RBFOX1: variants seen among roughly 807,000 people sequenced by gnomAD.
The protein encoded by RBFOX1 is RNA binding fox-1 homolog 1.
A neutral mutation model predicts 57.7 loss-of-function variants in RBFOX1; 8 were observed. The ratio of observed to expected loss-of-function variants is 0.14; its 90% confidence interval spans 0.08 to 0.25. RBFOX1 has a LOEUF of 0.25. Ranked by LOEUF, RBFOX1 falls within the 10% of genes least tolerant of loss-of-function variation. The pLI is 1.00. For synonymous variants in RBFOX1, 326 were observed against 222.4 expected (o/e 1.47, Z -4.15); for missense variants, 611 against 548.5 (o/e 1.11, Z -1.14).
chr16:6,861,353 G>GA (rs1283847020), intron 3 of RBFOX1, among the ~76,000 whole-genome samples: 1 of 152,084 alleles, frequency 6.6e-6, no homozygotes, highest in African/African-American at 2.4e-5. Context: ...TGAGTAAAGA[G>GA]ATGCAGTACC....
intron 3 of RBFOX1, among the ~76,000 whole-genome samples, chr16:5,623,241 CTGTT>C (rs1260604909): frequency 2.0e-5 from 3 of 152,120 alleles, no homozygotes; most frequent in Non-Finnish European, 1.5e-5. Flanking sequence ...TATGGGGTGA[CTGTT>C]TTCCGTTTCC....
rs1456561680 is a variant in RBFOX1, at chr16:7,383,938, C to T, written c.28-134209C>T. 4.0e-5 allele frequency among the ~76,000 whole-genome samples: 6 copies of T among 151,896 alleles called. No individual in the cohort carries two copies. The East Asian group carries it at 1.2e-3, about 30-fold the overall frequency. The stretch of plus-strand genomic sequence containing the variant: ...GCATGGTGGCATGTGCCTGTAGTCC[C>T]AGCTACTTGGGAGGCTGAGGCAGGA... On this transcript the variant is annotated intron_variant, in intron 4 of 15. Transcript: ENST00000550418.
chr16:6,292,231 G>A (rs1163994583), intron 1 of RBFOX1, among the ~76,000 whole-genome samples: 1 of 152,118 alleles, frequency 6.6e-6, no homozygotes, highest in Non-Finnish European at 1.5e-5. Flanking sequence ...CTGCACTCTA[G>A]CCTGGGTAAG....
chr16:5,681,795 G>A (rs1043995570), intron 3 of RBFOX1, among the ~76,000 whole-genome samples: 3 of 152,146 alleles, frequency 2.0e-5, no homozygotes, highest in Non-Finnish European at 4.4e-5. Context: ...AGGCCTTGAG[G>A]TGGATTAAGC....
intron 3 of RBFOX1, among the ~76,000 whole-genome samples, chr16:6,954,452 A>G (rs35819522): frequency 0.019 from 2,924 of 152,256 alleles, 44 homozygotes; most frequent in Middle Eastern, 0.048. Context: ...ATAAATTGTC[A>G]AGCAGGAACA....
intron 3 of RBFOX1, among the ~76,000 whole-genome samples, chr16:6,994,969 G>GTGTGTGTT (rs2092039256): frequency 6.6e-6 from 1 of 151,728 alleles, no homozygotes; most frequent in Non-Finnish European, 1.5e-5. Flanking sequence ...GTGTGTGTGT[G>GTGTGTGTT]TGTGTTGGTC....
chr16:5,528,654 C>A (rs2044341000), intron 2 of RBFOX1, among the ~76,000 whole-genome samples: 1 of 150,428 alleles, frequency 6.6e-6, no homozygotes, highest in Non-Finnish European at 1.5e-5. Context: ...CTTCCCCCCT[C>A]CCCTCCCCTC....
chr16:5,546,007 C>T (rs1174256166), intron 2 of RBFOX1, among the ~76,000 whole-genome samples: 1 of 151,704 alleles, frequency 6.6e-6, no homozygotes, highest in East Asian at 1.9e-4. Context: ...ATACAAAAAG[C>T]CATTGTATTT....
chr16:6,288,336 C>T (rs890338256), intron 1 of RBFOX1, among the ~76,000 whole-genome samples: 1 of 152,088 alleles, frequency 6.6e-6, no homozygotes, highest in African/African-American at 2.4e-5. Context: ...CTTAGGAGAT[C>T]TTGTTCAAAT....
intron 2 of RBFOX1, among the ~76,000 whole-genome samples, chr16:6,354,428 T>A (rs2086925836): frequency 6.6e-6 from 1 of 152,168 alleles, no homozygotes; most frequent in African/African-American, 2.4e-5. Flanking sequence ...TGCACCAGTC[T>A]CTTCTCCACA....
At chr16:5,582,392 C>G (rs761693595) in intron 2 of RBFOX1, among the ~76,000 whole-genome samples, 1 of 152,060 alleles carries the variant, frequency 6.6e-6, no homozygotes, top group African/African-American at 2.4e-5. Context: ...CACTGGCCGT[C>G]GTGATTGGCA....
intron 1 of RBFOX1, among the ~76,000 whole-genome samples, chr16:5,361,605 G>T (rs2065553656): frequency 6.6e-6 from 1 of 152,242 alleles, no homozygotes; most frequent in Admixed American, 6.5e-5. Flanking sequence ...AGAACATGGA[G>T]CGTGGGGCCT....
intron 4 of RBFOX1, among the ~76,000 whole-genome samples, chr16:5,871,333 C>G (rs766911929): frequency 2.0e-5 from 3 of 152,230 alleles, no homozygotes; most frequent in Non-Finnish European, 4.4e-5. Context: ...TAAGATGTCA[C>G]ATACATAATA....
At chr16:7,559,016 C>T (rs1036103499) in intron 5 of RBFOX1, among the ~76,000 whole-genome samples, 3 of 152,044 alleles carry the variant, frequency 2.0e-5, no homozygotes, top group Non-Finnish European at 2.9e-5. Flanking sequence ...TTTTACCCAT[C>T]AATGAAGAGT....
chr16:7,574,589 C>G (rs1182644942), intron 5 of RBFOX1, among the ~76,000 whole-genome samples: 19 of 152,262 alleles, frequency 1.2e-4, no homozygotes, highest in African/African-American at 4.6e-4. Flanking sequence ...GGCTGGAAGA[C>G]TCAGCCAGTC....
At chr16:7,068,178 G>C (rs189398951) in intron 4 of RBFOX1, among the ~76,000 whole-genome samples, 2 of 151,858 alleles carry the variant, frequency 1.3e-5, no homozygotes, top group African/African-American at 4.8e-5. Flanking sequence ...AATTCCATTG[G>C]CAAAATCCTG....
intron 2 of RBFOX1, among the ~76,000 whole-genome samples, chr16:6,354,234 C>G (rs574600625): frequency 1.3e-5 from 2 of 152,024 alleles, no homozygotes; most frequent in African/African-American, 2.4e-5. Flanking sequence ...CACAGACACA[C>G]ACACACACAC....
At chr16:6,373,540 G>A (rs957307296) in intron 2 of RBFOX1, among the ~76,000 whole-genome samples, 4 of 151,492 alleles carry the variant, frequency 2.6e-5, no homozygotes, top group African/African-American at 9.7e-5. Context: ...AGTTCATTGG[G>A]ATCACAGGGT....
chr16:7,232,262 T>C (rs73543076), intron 4 of RBFOX1, among the ~76,000 whole-genome samples: 8,952 of 152,178 alleles, frequency 0.059, 814 homozygotes, highest in African/African-American at 0.2. Flanking sequence ...GAAAACTGTT[T>C]ACTTTAAATG....
Sources: allele counts gnomAD v4.1 joint callset (sites outside exome capture counted in the v4.1 genomes callset), GRCh38; gene constraint gnomAD v4.1.1; transcripts MANE v1.5; gene names NCBI Gene and HGNC (gene_info 2026-07-23, HGNC 2026-07-21).